Variants in SMOC2 observed in about 807,000 individuals in gnomAD.
SMOC2 encodes the protein SPARC-related modular calcium-binding protein 2.
Under a neutral mutation model 61.4 loss-of-function variants are expected in SMOC2, and 39 were observed. The observed-to-expected ratio is 0.64, with a 90% CI of 0.49 to 0.83. SMOC2 has a LOEUF of 0.83. Among genes scored for constraint, SMOC2 ranks in the 40% least tolerant of loss-of-function variants. The pLI is 0.00. For synonymous variants in SMOC2, 247 were observed against 239.9 expected, an observed-to-expected ratio of 1.03 and a Z score of -0.27; for missense variants, 556 against 592.9, an observed-to-expected ratio of 0.94 and a Z score of 0.65.
chr6:168,448,897 C>T (rs1474978848), intron 1 of SMOC2, among the ~76,000 whole-genome samples: 3 of 152,062 alleles, frequency 2.0e-5, no homozygotes, highest in Non-Finnish European at 4.4e-5. Flanking sequence ...CAATGGGGTC[C>T]CTGTGTTGGG....
chr6:168,595,239 G>A (rs13213858), intron 7 of SMOC2, among the ~76,000 whole-genome samples: 16,283 of 72,456 alleles, frequency 0.22, 2,929 homozygotes, highest in Admixed American at 0.35. Context: ...CCTCCTTCCT[G>A]AGGCCTCACG....
At chr6:168,472,642 A>G (rs965571863) in intron 1 of SMOC2, among the ~76,000 whole-genome samples, 1 of 152,238 alleles carries the variant, frequency 6.6e-6, no homozygotes, top group South Asian at 2.1e-4. Context: ...TGCAATATTA[A>G]AATGCTATTG....
At chr6:168,518,937 G>A (rs975938375) in intron 2 of SMOC2, among the ~76,000 whole-genome samples, 4 of 150,110 alleles carry the variant, frequency 2.7e-5, no homozygotes, top group Admixed American at 1.3e-4. Context: ...GCGTGCATAT[G>A]CTTGCATGTG....
chr6:168,643,491 C>T (rs1267143371), intron 9 of SMOC2, among the ~76,000 whole-genome samples: 1 of 152,164 alleles, frequency 6.6e-6, no homozygotes, highest in Non-Finnish European at 1.5e-5. Flanking sequence ...TCCCTGTGCC[C>T]CCAGCACTCT....
chr6:168,652,905 G>T, intron 10 of SMOC2, 49 bp from the exon 11 acceptor site: 1 of 1,578,842 alleles, frequency 6.3e-7, no homozygotes, highest in Non-Finnish European at 8.6e-7. Flanking sequence ...GGCCAGGAAG[G>T]AGCAGCCCAG....
At chr6:168,614,126 C>T (rs71552351) in intron 9 of SMOC2, among the ~76,000 whole-genome samples, 9 of 90,022 alleles carry the variant, frequency 1.0e-4, no homozygotes, top group Non-Finnish European at 9.3e-5. Context: ...AGCCTCTTCA[C>T]ACCTACAGCC....
chr6:168,537,242 T>C (rs528656424), intron 4 of SMOC2, among the ~76,000 whole-genome samples: 3 of 150,746 alleles, frequency 2.0e-5, no homozygotes, highest in Admixed American at 6.6e-5. Context: ...GAGCAGTGTC[T>C]GTCCTAATAC....
chr6:168,650,932 G>T (rs1787176869), intron 10 of SMOC2, 149 bp downstream of exon 10: 1 of 701,888 alleles, frequency 1.4e-6, no homozygotes, highest in East Asian at 2.7e-5. Flanking sequence ...AACACAGGAA[G>T]TTGCTTAGCA....
At chr6:168,447,223 C>T (rs538296026) in intron 1 of SMOC2, among the ~76,000 whole-genome samples, 11 of 152,216 alleles carry the variant, frequency 7.2e-5, no homozygotes, top group South Asian at 2.1e-4. Context: ...CACGCTACAA[C>T]GCCTGGCTAA....
chr6:168,581,531 G>C (rs1583130072), intron 7 of SMOC2, among the ~76,000 whole-genome samples: 1 of 152,210 alleles, frequency 6.6e-6, no homozygotes, highest in African/African-American at 2.4e-5. Context: ...TCACATTCTT[G>C]CCGGGCGCAT....
chr6:168,621,165 G>A (rs1233644209), intron 9 of SMOC2, among the ~76,000 whole-genome samples: 1 of 152,224 alleles, frequency 6.6e-6, no homozygotes, highest in Non-Finnish European at 1.5e-5. Flanking sequence ...CTGCCCATTA[G>A]TTGTTAATTC....
rs1785604726 is a variant in SMOC2 at position 168,603,304 on chromosome 6, A to G, written c.824+4300A>G. On this transcript the variant is annotated intron_variant, in intron 8 of 12. Coordinates refer to ENST00000356284, the MANE Select transcript of SMOC2 (RefSeq NM_001166412.2). ...GTCTCAGGTATTTCTTCACAGCAGC[A>G]TGAGAACAGATTAATACTGGGGGTG... Among the ~76,000 whole-genome samples, 7 of 136,014 alleles carry G rather than the reference A, an allele frequency of 5.1e-5. No homozygotes were observed. The Admixed American group carries it at 5.8e-4, about 11-fold the overall frequency. The allele number at this position is 136,014 out of a possible 152,430, so 89.2% of individuals were successfully genotyped here.
intron 2 of SMOC2, among the ~76,000 whole-genome samples, chr6:168,525,840 G>A (rs1022424044): frequency 1.3e-5 from 2 of 152,152 alleles, no homozygotes; most frequent in South Asian, 2.1e-4. Flanking sequence ...AAGTCCCACC[G>A]CGTGCGTCCT....
At chr6:168,571,755 C>T (rs1410980076) in intron 7 of SMOC2, among the ~76,000 whole-genome samples, 1 of 152,184 alleles carries the variant, frequency 6.6e-6, no homozygotes, top group Non-Finnish European at 1.5e-5. Context: ...CTGATGTTTC[C>T]GACGTTGAGT....
chr6:168,566,635 C>T (rs1416922348), intron 7 of SMOC2, among the ~76,000 whole-genome samples: 1 of 151,988 alleles, frequency 6.6e-6, no homozygotes, highest in Non-Finnish European at 1.5e-5. Context: ...GCACGTGGCA[C>T]CACACCCGGC....
rs139989676 is a variant in SMOC2 at position 168,500,337 on chromosome 6, C to T, written c.85-9578C>T. On this transcript the variant is annotated intron_variant, in intron 1 of 12. Coordinates refer to ENST00000356284, the MANE Select transcript of SMOC2 (RefSeq NM_001166412.2). ...GAAAAAAGAAAAAAGAGATGACATCCGAAGAGGGTTGAGCAAGAGAAGGGG... is the reference window on the plus strand; with the variant it reads ...GAAAAAAGAAAAAAGAGATGACATCTGAAGAGGGTTGAGCAAGAGAAGGGG... Among the ~76,000 whole-genome samples the T allele has an allele frequency of 6.3e-3, 945 of 151,188 alleles. 4 individuals are homozygous for T. Among genetic ancestry groups the T allele is most frequent in the Non-Finnish European group, 1.0e-2 (678 of 67,810 alleles).
intron 7 of SMOC2, among the ~76,000 whole-genome samples, chr6:168,576,461 G>A (rs567958641): frequency 1.3e-5 from 2 of 152,216 alleles, no homozygotes; most frequent in South Asian, 4.1e-4. Context: ...CAGAGTGCAA[G>A]GCCAGAGAAC....
At chr6:168,480,089 A>G (rs200561972) in intron 1 of SMOC2, among the ~76,000 whole-genome samples, 1 of 152,194 alleles carries the variant, frequency 6.6e-6, no homozygotes, top group Admixed American at 6.5e-5. Context: ...AAGAAAAAAT[A>G]TATACATATA....
chr6:168,576,818 A>G lies in SMOC2; in HGVS notation c.638-22000A>G, dbSNP rs138355548. On this transcript the variant is annotated intron_variant, in intron 7 of 12. Transcript: ENST00000356284. ...CGTCAGAGACTCATCGTCGATGTGA[A>G]CACACATCCCTAAATCTAGTTTACA... 3.2e-4 allele frequency among the ~76,000 whole-genome samples: 49 copies of G among 152,202 alleles called. No individual in the cohort carries two copies. In the East Asian group the frequency reaches 8.1e-3, roughly 25 times the overall value.
Sources: gnomAD v4.1 joint callset for allele counts (sites outside exome capture counted in the v4.1 genomes callset) on GRCh38, gnomAD v4.1.1 for gene constraint, MANE v1.5 for transcripts, NCBI Gene and HGNC (gene_info 2026-07-23, HGNC 2026-07-21) for gene names.